The following CAP2 variants were observed in gnomAD, a reference collection of about 807,000 sequenced individuals.
CAP2 encodes the protein adenylyl cyclase-associated protein 2.
A neutral mutation model predicts 57.7 loss-of-function variants in CAP2; 24 were observed. The ratio of observed to expected loss-of-function variants is 0.42; its 90% CI spans 0.30 to 0.58. The LOEUF (loss-of-function observed/expected upper bound fraction) is 0.58. Ranked by LOEUF, CAP2 falls within the 20% of genes least tolerant of loss-of-function variation. The pLI, the probability that CAP2 is intolerant of heterozygous loss-of-function variation, is 0.22. For missense variants in CAP2, 501 were observed against 590.3 expected (o/e 0.85, Z 1.57); for synonymous variants, 194 against 207.2 (o/e 0.94, Z 0.55).
chr6:17,443,448 T>C (rs1760150722), intron 3 of CAP2, among the ~76,000 whole-genome samples: 1 of 152,198 alleles, frequency 6.6e-6, no homozygotes, highest in Non-Finnish European at 1.5e-5. Flanking sequence ...TCGAGATAAC[T>C]CTGTTGTTTG....
intron 3 of CAP2, among the ~76,000 whole-genome samples, chr6:17,455,636 T>C (rs1350225566): frequency 6.6e-6 from 1 of 151,976 alleles, no homozygotes. Flanking sequence ...CCCGGGTTCA[T>C]GCTGTTCTCC....
At chr6:17,394,027 G>A (rs1305322155) in intron 1 of CAP2, among the ~76,000 whole-genome samples, 3 of 149,790 alleles carry the variant, frequency 2.0e-5, no homozygotes, top group Non-Finnish European at 4.5e-5. Flanking sequence ...CGGCGTCCTG[G>A]CCGCTCGGAA....
chr6:17,536,095 A>G (rs936073219), intron 7 of CAP2: 1 of 418,730 alleles, frequency 2.4e-6, no homozygotes, highest in Non-Finnish European at 4.8e-6. Flanking sequence ...CTGGGACTAC[A>G]TACAGGTGTG....
At chr6:17,506,880 G>A (rs1762000296) in intron 4 of CAP2, among the ~76,000 whole-genome samples, 1 of 152,114 alleles carries the variant, frequency 6.6e-6, no homozygotes, top group Admixed American at 6.5e-5. Flanking sequence ...TTCCATGAAG[G>A]AGTCTTCAAA....
At chr6:17,482,976 T>A (rs1172726771) in intron 4 of CAP2, among the ~76,000 whole-genome samples, 1 of 152,266 alleles carries the variant, frequency 6.6e-6, no homozygotes, top group East Asian at 1.9e-4. Flanking sequence ...TTGTTTAGCG[T>A]GTCCTGGCTT....
chr6:17,469,418 G>GTGTGTGTGTGTGTC (rs1554125043), intron 4 of CAP2, among the ~76,000 whole-genome samples: 2 of 144,974 alleles, frequency 1.4e-5, no homozygotes, highest in African/African-American at 5.6e-5. Flanking sequence ...GTGTGTGTCT[G>GTGTGTGTGTGTGTC]TGTGTGTGTG....
At chr6:17,402,957 T>A (rs1458703710) in intron 1 of CAP2, among the ~76,000 whole-genome samples, 2 of 152,182 alleles carry the variant, frequency 1.3e-5, no homozygotes, top group African/African-American at 4.8e-5. Flanking sequence ...GATGTTGGAG[T>A]TCAAAAAATT....
At chr6:17,416,358 C>T (rs1328314842) in intron 1 of CAP2, among the ~76,000 whole-genome samples, 7 of 152,110 alleles carry the variant, frequency 4.6e-5, no homozygotes, top group Non-Finnish European at 1.0e-4. Flanking sequence ...ATAGCTGCAG[C>T]GAACGTTCAT....
intron 3 of CAP2, among the ~76,000 whole-genome samples, chr6:17,454,455 C>T (rs1487007957): frequency 7.2e-5 from 11 of 152,226 alleles, no homozygotes; most frequent in African/African-American, 2.7e-4. Flanking sequence ...GCATTCTGTC[C>T]TCGGCCTGCA....
At chr6:17,448,908 C>A (rs1403718814) in intron 3 of CAP2, among the ~76,000 whole-genome samples, 5 of 152,064 alleles carry the variant, frequency 3.3e-5, no homozygotes, top group African/African-American at 1.2e-4. Flanking sequence ...ATTACAGACA[C>A]CCACCACCAC....
chr6:17,421,704 G>A (rs1314965939), intron 2 of CAP2, 28 bp downstream of exon 2: 2 of 1,613,326 alleles, frequency 1.2e-6, no homozygotes, highest in South Asian at 1.1e-5. Flanking sequence ...TGTCATTCCT[G>A]GTCTTCTTGT....
chr6:17,531,139 C>T (rs1762629241), intron 7 of CAP2: 2 of 762,836 alleles, frequency 2.6e-6, no homozygotes, highest in East Asian at 4.9e-5. Flanking sequence ...TCTGTCAAAG[C>T]AATTCGCTTC....
At chr6:17,484,142 G>A (rs1761364084) in intron 4 of CAP2, among the ~76,000 whole-genome samples, 1 of 151,988 alleles carries the variant, frequency 6.6e-6, no homozygotes, top group Non-Finnish European at 1.5e-5. Context: ...AATCAAAGAC[G>A]GATGGACTCT....
At chr6:17,403,322 C>T (rs1410002806) in intron 1 of CAP2, among the ~76,000 whole-genome samples, 5 of 152,218 alleles carry the variant, frequency 3.3e-5, no homozygotes, top group Admixed American at 1.3e-4. Context: ...AGGCTGGTCT[C>T]AAACTCCTGA....
intron 3 of CAP2, among the ~76,000 whole-genome samples, chr6:17,459,275 G>T (rs1760661180): frequency 6.6e-6 from 1 of 152,160 alleles, no homozygotes; most frequent in South Asian, 2.1e-4. Flanking sequence ...CACAAATAAA[G>T]ACTGGACATC....
intron 6 of CAP2, among the ~76,000 whole-genome samples, chr6:17,508,748 TCAC>T (rs1762055097): frequency 1.6e-5 from 2 of 122,988 alleles, no homozygotes; most frequent in African/African-American, 6.3e-5. Context: ...TTGCTTCAAT[TCAC>T]CTTCTTTTTT....
chr6:17,421,219 G>T (rs1285822829), intron 1 of CAP2, among the ~76,000 whole-genome samples: 3 of 152,040 alleles, frequency 2.0e-5, no homozygotes, highest in African/African-American at 7.2e-5. Context: ...ATGATATAAC[G>T]GACTTTGGGG....
rs758545277 is a variant in CAP2 at position 17,507,729 on chromosome 6, A to T, written c.530+3A>T. ...GTCTTAAAGGACTACAAACACAGGTACGTACCTTCCTTTACTCACCAAATT... is the reference window on the plus strand; with the variant it reads ...GTCTTAAAGGACTACAAACACAGGTTCGTACCTTCCTTTACTCACCAAATT... On this transcript the variant is annotated splice_donor_region_variant and intron_variant, in intron 6 of 12. Transcript: ENST00000229922. The T allele has an allele frequency of 6.4e-7, 1 of 1,551,766 alleles. No individual in the cohort carries two copies. Among genetic ancestry groups the T allele is most frequent in the Admixed American group, 1.7e-5 (1 of 59,772 alleles).
intron 7 of CAP2, chr6:17,531,246 A>G: frequency 2.5e-6 from 2 of 792,734 alleles, no homozygotes; most frequent in South Asian, 2.7e-5. Flanking sequence ...AATCCTCAGC[A>G]TGTTAACTGA....
Sources: gnomAD v4.1 joint callset for allele counts (sites outside exome capture counted in the v4.1 genomes callset) on GRCh38, gnomAD v4.1.1 for gene constraint, MANE v1.5 for transcripts, NCBI Gene and HGNC (gene_info 2026-07-23, HGNC 2026-07-21) for gene names.